The following RUNX2 variants were observed in gnomAD, a reference collection of about 807,000 sequenced individuals.
The protein encoded by RUNX2 is RUNX family transcription factor 2.
In RUNX2, 10 loss-of-function variants were observed where a neutral mutation model predicts 51.7. The observed-to-expected ratio is 0.19, with a 90% CI of 0.12 to 0.33. The LOEUF (loss-of-function observed/expected upper bound fraction) is 0.33, where lower values mean the gene tolerates loss of function less well. Ranked by LOEUF, RUNX2 falls within the 10% of genes least tolerant of loss-of-function variation. RUNX2 has a pLI of 1.00. For missense variants in RUNX2, 562 were observed against 691.3 expected, an observed-to-expected ratio of 0.81 and a Z score of 2.10; for synonymous variants, 276 against 273.6, an observed-to-expected ratio of 1.01 and a Z score of -0.09.
intron 7 of RUNX2, among the ~76,000 whole-genome samples, chr6:45,516,453 C>T (rs1801323516): frequency 6.6e-6 from 1 of 152,172 alleles, no homozygotes; most frequent in South Asian, 2.1e-4. Flanking sequence ...TCTCAGAAAC[C>T]AGTCTAGTGA....
intron 2 of RUNX2, among the ~76,000 whole-genome samples, chr6:45,403,828 T>C (rs532576632): frequency 8.5e-5 from 13 of 152,174 alleles, no homozygotes; most frequent in African/African-American, 3.1e-4. Context: ...ATATATCAAA[T>C]GGTAAACTAT....
At chr6:45,540,045 G>C (rs1460107262) in intron 7 of RUNX2, among the ~76,000 whole-genome samples, 1 of 152,198 alleles carries the variant, frequency 6.6e-6, no homozygotes, top group Non-Finnish European at 1.5e-5. Context: ...AGAGAGAAGA[G>C]AGAAAACCAT....
chr6:45,332,138 A>G (rs1787639308), intron 2 of RUNX2, among the ~76,000 whole-genome samples: 1 of 151,924 alleles, frequency 6.6e-6, no homozygotes, highest in African/African-American at 2.4e-5. Flanking sequence ...TGTGCTTTCA[A>G]TTTTACACAC....
intron 5 of RUNX2, among the ~76,000 whole-genome samples, chr6:45,460,378 C>G (rs149266333): frequency 6.6e-6 from 1 of 151,984 alleles, no homozygotes; most frequent in Non-Finnish European, 1.5e-5. Context: ...TTGAGTTTGG[C>G]GGTGTGGAAG....
chr6:45,491,636 T>G (rs1800474618), intron 5 of RUNX2, among the ~76,000 whole-genome samples: 1 of 149,590 alleles, frequency 6.7e-6, no homozygotes, highest in Non-Finnish European at 1.5e-5. Flanking sequence ...TTTTTTTTTT[T>G]TTTTTTTTTA....
chr6:45,404,264 AAAAAAAAAAAG>A (rs1246993121), intron 2 of RUNX2, among the ~76,000 whole-genome samples: 1 of 140,822 alleles, frequency 7.1e-6, no homozygotes, highest in East Asian at 2.0e-4. Context: ...TGTCTCAAAA[AAAAAAAAAAAG>A]AAAAAGAAAA....
chr6:45,543,567 T>C (rs1347712377), intron 7 of RUNX2, among the ~76,000 whole-genome samples: 1 of 152,112 alleles, frequency 6.6e-6, no homozygotes, highest in Non-Finnish European at 1.5e-5. Flanking sequence ...CAGATTGGGG[T>C]TGCACTGCTT....
chr6:45,428,336 C>T (rs944900351), intron 3 of RUNX2, among the ~76,000 whole-genome samples: 5 of 152,050 alleles, frequency 3.3e-5, no homozygotes, highest in Non-Finnish European at 5.9e-5. Flanking sequence ...AAAGAAAAAA[C>T]CTCTCAAACA....
At chr6:45,453,659 A>G (rs1415102550) in intron 5 of RUNX2, among the ~76,000 whole-genome samples, 1 of 152,222 alleles carries the variant, frequency 6.6e-6, no homozygotes, top group Non-Finnish European at 1.5e-5. Context: ...AAGCACAATC[A>G]AGAAGGATGG....
chr6:45,490,453 A>G (rs1376124587), intron 5 of RUNX2, among the ~76,000 whole-genome samples: 3 of 152,180 alleles, frequency 2.0e-5, no homozygotes, highest in African/African-American at 7.2e-5. Context: ...TCATATTACC[A>G]AGCCTTGGCT....
intron 2 of RUNX2, among the ~76,000 whole-genome samples, chr6:45,373,371 A>G (rs1342504757): frequency 6.6e-6 from 1 of 152,212 alleles, no homozygotes; most frequent in East Asian, 1.9e-4. Context: ...GAGCCTCATT[A>G]GTATAACCTA....
intron 5 of RUNX2, among the ~76,000 whole-genome samples, chr6:45,452,630 G>C (rs1799206105): frequency 2.0e-5 from 3 of 152,140 alleles, no homozygotes; most frequent in African/African-American, 7.2e-5. Flanking sequence ...GCTCATTGAT[G>C]AAACGATGAG....
intron 5 of RUNX2, among the ~76,000 whole-genome samples, chr6:45,471,028 A>G (rs1223369555): frequency 6.6e-6 from 1 of 152,222 alleles, no homozygotes; most frequent in Non-Finnish European, 1.5e-5. Context: ...TAATAACGGT[A>G]TAGCTTTTCA....
chr6:45,517,829 C>T (rs1232878120), intron 7 of RUNX2, among the ~76,000 whole-genome samples: 1 of 152,020 alleles, frequency 6.6e-6, no homozygotes, highest in South Asian at 2.1e-4. Flanking sequence ...CATTTGAGTA[C>T]TCAAGGTCTG....
intron 6 of RUNX2, among the ~76,000 whole-genome samples, chr6:45,502,646 G>A (rs1228051592): frequency 2.0e-5 from 3 of 152,180 alleles, no homozygotes; most frequent in Non-Finnish European, 4.4e-5. Context: ...AAGCCTGAGT[G>A]CAGCCCCTGG....
At chr6:45,522,526 T>G (rs1316493724) in intron 7 of RUNX2, among the ~76,000 whole-genome samples, 1 of 152,214 alleles carries the variant, frequency 6.6e-6, no homozygotes, top group Non-Finnish European at 1.5e-5. Context: ...AAATTACGTA[T>G]GTTTGATGTG....
chr6:45,535,370 C>A (rs1466090684), intron 7 of RUNX2, among the ~76,000 whole-genome samples: 1 of 152,038 alleles, frequency 6.6e-6, no homozygotes, highest in Non-Finnish European at 1.5e-5. Flanking sequence ...TTTGGGAGGC[C>A]GAGGCGGGCA....
At chr6:45,505,242 A>G (rs767929325) in intron 6 of RUNX2, among the ~76,000 whole-genome samples, 3 of 152,134 alleles carry the variant, frequency 2.0e-5, no homozygotes, top group Non-Finnish European at 2.9e-5. Flanking sequence ...CCTTGTTTCC[A>G]GCATACCTTT....
At chr6:45,431,518 G>C (rs1171793044) in intron 3 of RUNX2, among the ~76,000 whole-genome samples, 2 of 152,184 alleles carry the variant, frequency 1.3e-5, no homozygotes, top group Non-Finnish European at 2.9e-5. Context: ...GCCTTGATCT[G>C]TATGATGCAA....
Sources: allele counts gnomAD v4.1 joint callset (sites outside exome capture counted in the v4.1 genomes callset), GRCh38; gene constraint gnomAD v4.1.1; transcripts MANE v1.5; gene names NCBI Gene and HGNC (gene_info 2026-07-23, HGNC 2026-07-21).